PDE4B: variants seen among roughly 807,000 people sequenced by gnomAD.
PDE4B encodes the protein phosphodiesterase 4B.
In PDE4B, 20 loss-of-function variants were observed where a neutral mutation model predicts 82.2. The ratio of observed to expected loss-of-function variants is 0.24; its 90% confidence interval spans 0.17 to 0.35. PDE4B has a LOEUF of 0.35. PDE4B is among the 10% of genes least tolerant of loss of function. The probability of loss-of-function intolerance (pLI) is 1.00; values close to 1 mark genes in which losing one functional copy is unlikely to be tolerated. For synonymous variants in PDE4B, 320 were observed against 318.9 expected (o/e 1.00, Z -0.04); for missense variants, 655 against 907.2 (o/e 0.72, Z 3.57).
intron 1 of PDE4B, among the ~76,000 whole-genome samples, chr1:65,852,254 C>T (rs1236869244): frequency 2.0e-5 from 3 of 151,796 alleles, no homozygotes. Flanking sequence ...CTCTCATCTC[C>T]AGGTTTCTAA....
chr1:66,108,851 A>G (rs558323525), intron 3 of PDE4B, among the ~76,000 whole-genome samples: 1 of 152,120 alleles, frequency 6.6e-6, no homozygotes, highest in Admixed American at 6.6e-5. Flanking sequence ...TGACTCATCA[A>G]ATCAAACAAA....
At chr1:66,309,828 C>T (rs1274017908) in intron 7 of PDE4B, among the ~76,000 whole-genome samples, 5 of 152,240 alleles carry the variant, frequency 3.3e-5, no homozygotes, top group African/African-American at 2.4e-5. Flanking sequence ...TAAATAGTGT[C>T]GGTTACCATA....
chr1:66,294,361 T>A (rs1423736196), intron 7 of PDE4B, among the ~76,000 whole-genome samples: 1 of 152,184 alleles, frequency 6.6e-6, no homozygotes, highest in African/African-American at 2.4e-5. Flanking sequence ...AACTTCTGAT[T>A]GTTTATTCAT....
chr1:66,002,437 G>A (rs1248532280), intron 3 of PDE4B, among the ~76,000 whole-genome samples: 4 of 151,932 alleles, frequency 2.6e-5, no homozygotes, highest in Non-Finnish European at 4.4e-5. Flanking sequence ...AGGGCTAAAG[G>A]CATCTATCAT....
rs929753507 is a variant in PDE4B, at chr1:65,875,842, C to A, written c.-70-37403C>A. On this transcript the variant is annotated intron_variant, in intron 1 of 16. Transcript: ENST00000341517. ...GGGAGGGATAGCATTGGGAGGTATA[C>A]CTAATGTTGGATGACGAGTTATTGG... 2.7e-5 allele frequency among the ~76,000 whole-genome samples: 4 copies of A among 150,646 alleles called. 1 individual carries two copies. Among genetic ancestry groups the A allele is most frequent in the Non-Finnish European group, 5.9e-5 (4 of 67,792 alleles).
At chr1:65,984,977 A>T (rs1366992862) in intron 3 of PDE4B, among the ~76,000 whole-genome samples, 1 of 152,178 alleles carries the variant, frequency 6.6e-6, no homozygotes, top group Non-Finnish European at 1.5e-5. Context: ...AAGTCTTGAC[A>T]AATAAAATTC....
At chr1:66,013,086 C>A (rs1211078935) in intron 3 of PDE4B, among the ~76,000 whole-genome samples, 1 of 152,136 alleles carries the variant, frequency 6.6e-6, no homozygotes, top group Non-Finnish European at 1.5e-5. Flanking sequence ...TGTGCTATGA[C>A]TGAATGTGTT....
chr1:66,050,882 G>A (rs1269240983), intron 3 of PDE4B, among the ~76,000 whole-genome samples: 1 of 152,064 alleles, frequency 6.6e-6, no homozygotes, highest in South Asian at 2.1e-4. Flanking sequence ...GAAGGGAAAA[G>A]CAATGGGAGG....
chr1:66,161,059 T>C (rs978410423), intron 3 of PDE4B, among the ~76,000 whole-genome samples: 1 of 152,222 alleles, frequency 6.6e-6, no homozygotes, highest in Admixed American at 6.5e-5. Flanking sequence ...AAGGCATTTT[T>C]TTTTTCCTTG....
intron 4 of PDE4B, among the ~76,000 whole-genome samples, chr1:66,255,330 C>T (rs11208824): frequency 0.21 from 32,062 of 152,076 alleles, 6,978 homozygotes; most frequent in African/African-American, 0.54. Context: ...TCAGGTGATC[C>T]GCCTGCCTCG....
chr1:66,100,712 T>C (rs184346449), intron 3 of PDE4B, among the ~76,000 whole-genome samples: 130 of 152,294 alleles, frequency 8.5e-4, no homozygotes, highest in African/African-American at 3.0e-3. Flanking sequence ...ACATTATTGC[T>C]GAATAAAGAT....
At chr1:65,817,650 T>C (rs1430279947) in intron 1 of PDE4B, among the ~76,000 whole-genome samples, 3 of 152,208 alleles carry the variant, frequency 2.0e-5, no homozygotes, top group Admixed American at 2.0e-4. Flanking sequence ...TTGTACATCA[T>C]GAATGAATGA....
intron 3 of PDE4B, among the ~76,000 whole-genome samples, chr1:66,242,245 C>A (rs145526618): frequency 3.3e-5 from 5 of 152,200 alleles, no homozygotes; most frequent in African/African-American, 7.2e-5. Context: ...CATTTTGGAT[C>A]CTCCATTTTC....
At chr1:66,238,595 G>A (rs996445072) in intron 3 of PDE4B, among the ~76,000 whole-genome samples, 4 of 152,154 alleles carry the variant, frequency 2.6e-5, no homozygotes, top group African/African-American at 9.7e-5. Flanking sequence ...TACAGTTTCT[G>A]TATAGAGTGG....
At chr1:66,190,518 C>T (rs1338396748) in intron 3 of PDE4B, among the ~76,000 whole-genome samples, 3 of 152,220 alleles carry the variant, frequency 2.0e-5, no homozygotes, top group Admixed American at 6.5e-5. Context: ...TTTACCTACT[C>T]AAGCCTTGGC....
chr1:65,933,639 C>G (rs1221866894), intron 3 of PDE4B, among the ~76,000 whole-genome samples: 1 of 151,964 alleles, frequency 6.6e-6, no homozygotes, highest in Admixed American at 6.6e-5. Flanking sequence ...CCATTGCATT[C>G]CAGCCCTGGC....
intron 4 of PDE4B, among the ~76,000 whole-genome samples, chr1:66,251,567 T>A (rs1408503125): frequency 1.3e-5 from 2 of 152,136 alleles, no homozygotes; most frequent in Non-Finnish European, 1.5e-5. Flanking sequence ...TAGAAGTCAA[T>A]AGGCAATTTT....
At chr1:66,353,215 T>A (rs1661970771) in intron 8 of PDE4B, among the ~76,000 whole-genome samples, 2 of 152,200 alleles carry the variant, frequency 1.3e-5, no homozygotes, top group African/African-American at 4.8e-5. Flanking sequence ...CTAGCTGAGA[T>A]GATTGATTCA....
chr1:66,023,375 GT>G (rs1053993507), intron 3 of PDE4B, among the ~76,000 whole-genome samples: 24 of 152,284 alleles, frequency 1.6e-4, no homozygotes, highest in African/African-American at 5.5e-4. Flanking sequence ...AGTTCACAAT[GT>G]TGGCACACTT....
Sources: allele counts gnomAD v4.1 joint callset (sites outside exome capture counted in the v4.1 genomes callset), GRCh38; gene constraint gnomAD v4.1.1; transcripts MANE v1.5; gene names NCBI Gene and HGNC (gene_info 2026-07-23, HGNC 2026-07-21).